Variants in PCDHA1 observed in about 807,000 individuals in gnomAD.
The protein encoded by PCDHA1 is protocadherin alpha-1.
In PCDHA1, 42 loss-of-function variants were observed where a neutral mutation model predicts 61.3. The ratio of observed to expected loss-of-function variants is 0.69; its 90% CI spans 0.54 to 0.89. The LOEUF (loss-of-function observed/expected upper bound fraction) is 0.89, where lower values mean the gene tolerates loss of function less well. Ranked by LOEUF, PCDHA1 falls within the 40% of genes least tolerant of loss-of-function variation. The pLI is 0.00. For missense variants in PCDHA1, 1,256 were observed against 1,235.3 expected (o/e 1.02, Z -0.25); for synonymous variants, 610 against 553.8 (o/e 1.10, Z -1.43).
At chr5:140,896,864 G>A (rs1223708211) in intron 1 of PCDHA1, among the ~76,000 whole-genome samples, 1 of 152,088 alleles carries the variant, frequency 6.6e-6, no homozygotes, top group Admixed American at 6.5e-5. Flanking sequence ...CATAATAAGT[G>A]TACATATTTA....
At chr5:140,858,550 C>G (rs1554151768) in intron 1 of PCDHA1, 1 of 1,392,416 alleles carries the variant, frequency 7.2e-7, no homozygotes, top group Non-Finnish European at 9.9e-7. Context: ...TCCATTTATG[C>G]TTGAATATTT....
intron 1 of PCDHA1, chr5:140,875,922 T>C: frequency 6.2e-7 from 1 of 1,614,200 alleles, no homozygotes; most frequent in South Asian, 1.1e-5. Context: ...CTCTGGACTC[T>C]CATTTTCCTC....
chr5:140,915,615 A>C (rs948306385), intron 1 of PCDHA1, among the ~76,000 whole-genome samples: 5 of 142,332 alleles, frequency 3.5e-5, no homozygotes, highest in Admixed American at 7.1e-5. Flanking sequence ...TCTGTCAAAC[A>C]GTCTCTTTCT....
At chr5:140,795,717 G>T (rs375544937) in intron 1 of PCDHA1, 6 of 1,613,984 alleles carry the variant, frequency 3.7e-6, no homozygotes, top group Non-Finnish European at 5.1e-6. Flanking sequence ...AAGTAAAATT[G>T]TTAGAGAATA....
chr5:140,876,791 G>A (rs782617794), intron 1 of PCDHA1: 1 of 1,614,242 alleles, frequency 6.2e-7, no homozygotes, highest in Non-Finnish European at 8.5e-7. Context: ...GCCACGGCTA[G>A]AGTGTCCGTG....
intron 1 of PCDHA1, among the ~76,000 whole-genome samples, chr5:140,845,167 T>C (rs954186731): frequency 6.7e-6 from 1 of 149,652 alleles, no homozygotes; most frequent in Non-Finnish European, 1.5e-5. Context: ...CGAATTGTTT[T>C]CATTTTAGTC....
At chr5:140,796,925 A>T in intron 1 of PCDHA1, 1 of 1,613,844 alleles carries the variant, frequency 6.2e-7, no homozygotes, top group Non-Finnish European at 8.5e-7. Context: ...GTGAAGGACC[A>T]CGGCGAACCA....
chr5:140,790,332 CTTAAATA>C (rs552422769), intron 1 of PCDHA1, among the ~76,000 whole-genome samples: 107 of 152,250 alleles, frequency 7.0e-4, no homozygotes, highest in African/African-American at 2.4e-3. Flanking sequence ...TCTGAAGTTA[CTTAAATA>C]TTAAATGAAT....
intron 1 of PCDHA1, among the ~76,000 whole-genome samples, chr5:140,955,262 CT>C (rs1165777806): frequency 3.9e-5 from 6 of 152,044 alleles, no homozygotes; most frequent in African/African-American, 1.4e-4. Flanking sequence ...TATAAAGGCT[CT>C]TTTTTGGTTC....
chr5:140,802,194 C>G, intron 1 of PCDHA1: 1 of 1,614,226 alleles, frequency 6.2e-7, no homozygotes, highest in Non-Finnish European at 8.5e-7. Flanking sequence ...AATGTCAGAT[C>G]ACTGCACAGT....
intron 1 of PCDHA1, chr5:140,807,835 T>G: frequency 6.2e-7 from 1 of 1,614,194 alleles, no homozygotes; most frequent in Non-Finnish European, 8.5e-7. Context: ...CAGCCACTGA[T>G]GGAGGCAAAC....
intron 1 of PCDHA1, chr5:140,794,743 T>C: frequency 2.0e-6 from 1 of 509,774 alleles, no homozygotes; most frequent in Non-Finnish European, 3.4e-6. Flanking sequence ...GAAAATCGAC[T>C]AGTTTTAAAT....
At chr5:140,870,442 G>C (rs1562644426) in intron 1 of PCDHA1, 2 of 1,614,236 alleles carry the variant, frequency 1.2e-6, no homozygotes, top group Non-Finnish European at 1.7e-6. Context: ...GGTGGCCGAC[G>C]TGAACGACAA....
chr5:140,853,857 A>T, intron 1 of PCDHA1: 3 of 985,610 alleles, frequency 3.0e-6, no homozygotes, highest in Non-Finnish European at 3.7e-6. Flanking sequence ...GCCCTATTTG[A>T]TACTTGACAG....
At chr5:140,797,820 G>T (rs1762266466) in intron 1 of PCDHA1, among the ~76,000 whole-genome samples, 1 of 152,022 alleles carries the variant, frequency 6.6e-6, no homozygotes, top group South Asian at 2.1e-4. Context: ...CAATGCCCTT[G>T]TCTATGCAAT....
intron 3 of PCDHA1, among the ~76,000 whole-genome samples, chr5:140,996,144 T>C (rs2097714056): frequency 6.6e-6 from 1 of 152,210 alleles, no homozygotes; most frequent in African/African-American, 2.4e-5. Context: ...TCCCATTATC[T>C]TGCCTTCCTT....
intron 3 of PCDHA1, 39 bp from the exon 4 acceptor site, chr5:141,009,588 G>A: frequency 6.3e-7 from 1 of 1,598,586 alleles, no homozygotes; most frequent in Non-Finnish European, 8.5e-7. Context: ...AAGAGCATGT[G>A]TTGACCCTGT....
intron 1 of PCDHA1, chr5:140,968,757 A>G (rs1488596963): frequency 6.2e-7 from 1 of 1,614,204 alleles, no homozygotes; most frequent in Non-Finnish European, 8.5e-7. Flanking sequence ...GTGGTCCGAG[A>G]TAATGGAGAG....
chr5:140,867,686 C>CT, intron 1 of PCDHA1: 1 of 152,084 alleles, frequency 6.6e-6, no homozygotes, highest in Middle Eastern at 3.4e-3. Flanking sequence ...GTTGCATCTT[C>CT]TTTTTTTCCT....
Sources: allele counts gnomAD v4.1 joint callset (sites outside exome capture counted in the v4.1 genomes callset), GRCh38; gene constraint gnomAD v4.1.1; transcripts MANE v1.5; gene names NCBI Gene and HGNC (gene_info 2026-07-23, HGNC 2026-07-21).